The following PRKN variants were observed in gnomAD, a reference collection of about 807,000 sequenced individuals.
The protein encoded by PRKN is E3 ubiquitin-protein ligase parkin.
A neutral mutation model predicts 59.5 loss-of-function variants in PRKN; 56 were observed. That is an observed-to-expected ratio of 0.94 (90% CI 0.76 to 1.18). The LOEUF is 1.18. PRKN is among the 50% of genes most tolerant of loss of function. The probability of loss-of-function intolerance (pLI) is 0.00; values close to 1 mark genes in which losing one functional copy is unlikely to be tolerated. For synonymous variants in PRKN, 250 were observed against 222.1 expected (o/e 1.13, Z -1.12); for missense variants, 657 against 596.4 (o/e 1.10, Z -1.06).
intron 5 of PRKN, among the ~76,000 whole-genome samples, chr6:162,050,903 G>A (rs920089103): frequency 6.6e-5 from 10 of 152,132 alleles, no homozygotes; most frequent in Non-Finnish European, 1.3e-4. Flanking sequence ...ATCCAGCCAA[G>A]ACAGGGAGGC....
At chr6:162,653,432 A>G (rs1375597151) in intron 1 of PRKN, among the ~76,000 whole-genome samples, 4 of 152,192 alleles carry the variant, frequency 2.6e-5, no homozygotes, top group African/African-American at 9.6e-5. Flanking sequence ...TCAACTCATA[A>G]TTTAATAGGA....
chr6:162,391,909 T>C (rs747593829), intron 2 of PRKN, among the ~76,000 whole-genome samples: 1 of 152,212 alleles, frequency 6.6e-6, no homozygotes, highest in Non-Finnish European at 1.5e-5. Flanking sequence ...AGAATAAATA[T>C]TGACAACTCC....
chr6:161,733,782 AAATATATATATATATGTATAT>A (rs1488852956), intron 7 of PRKN, among the ~76,000 whole-genome samples: 1 of 79,922 alleles, frequency 1.3e-5, no homozygotes, highest in Non-Finnish European at 2.1e-5. Context: ...AAAAAAAAAA[AAATATATATATATATGTATAT>A]ATATATATAT....
At chr6:161,824,278 A>G (rs1203933153) in intron 6 of PRKN, among the ~76,000 whole-genome samples, 1 of 152,218 alleles carries the variant, frequency 6.6e-6, no homozygotes, top group African/African-American at 2.4e-5. Context: ...AATTCTTTCA[A>G]TCATTAGATG....
At chr6:161,528,567 G>A (rs1779094231) in intron 9 of PRKN, among the ~76,000 whole-genome samples, 1 of 152,154 alleles carries the variant, frequency 6.6e-6, no homozygotes, top group Non-Finnish European at 1.5e-5. Context: ...TGGAAATGGG[G>A]TTGTGTACAA....
rs1778257233 is a variant in PRKN, at chr6:161,508,522, G to A, written c.1083+40332C>T. ...ATGAAAAATTCTCCCCTGCCATATT[G>A]TAAGATCATTTCCATTTGCTCTGTC... is the stretch of plus-strand genomic sequence containing the variant. On this transcript the variant is annotated intron_variant, in intron 9 of 11. Transcript: ENST00000366898. Among the ~76,000 whole-genome samples the A allele has an allele frequency of 2.6e-5, 4 of 152,136 alleles. No homozygotes were observed. In the South Asian group the frequency reaches 6.2e-4, roughly 24 times the overall value.
At chr6:161,508,343 C>T (rs982709089) in intron 9 of PRKN, among the ~76,000 whole-genome samples, 5 of 152,216 alleles carry the variant, frequency 3.3e-5, no homozygotes, top group African/African-American at 4.8e-5. Context: ...CTGGCACAAA[C>T]CCTGCCTTTA....
At chr6:161,890,013 G>C (rs1343263651) in intron 6 of PRKN, among the ~76,000 whole-genome samples, 1 of 152,134 alleles carries the variant, frequency 6.6e-6, no homozygotes, top group African/African-American at 2.4e-5. Flanking sequence ...AGCAGCTGGG[G>C]TCTGAGGCCT....
At chr6:162,375,887 C>G (rs1016052970) in intron 2 of PRKN, among the ~76,000 whole-genome samples, 2 of 151,912 alleles carry the variant, frequency 1.3e-5, no homozygotes, top group African/African-American at 4.8e-5. Context: ...ACCCACGGTT[C>G]TTGTCTGGGA....
intron 5 of PRKN, among the ~76,000 whole-genome samples, chr6:161,975,197 T>G (rs1363037906): frequency 6.7e-6 from 1 of 150,020 alleles, no homozygotes; most frequent in Non-Finnish European, 1.5e-5. Context: ...GCCATTCTCC[T>G]GCCTCAGCCT....
intron 6 of PRKN, among the ~76,000 whole-genome samples, chr6:161,953,706 A>G (rs1780068434): frequency 6.6e-6 from 1 of 152,198 alleles, no homozygotes; most frequent in East Asian, 1.9e-4. Context: ...CATGTGTGAC[A>G]GGGTCTCATC....
chr6:161,680,756 TATA>T (rs1785306453), intron 7 of PRKN, among the ~76,000 whole-genome samples: 4 of 19,982 alleles, frequency 2.0e-4, no homozygotes, highest in Admixed American at 7.9e-4. Context: ...TATATATATA[TATA>T]TATATATATA....
intron 7 of PRKN, among the ~76,000 whole-genome samples, chr6:161,685,076 C>T (rs1429154230): frequency 6.6e-6 from 1 of 152,188 alleles, no homozygotes; most frequent in Non-Finnish European, 1.5e-5. Flanking sequence ...AATACTTCTA[C>T]AGAATATTTC....
chr6:161,697,077 T>A (rs1786051248), intron 7 of PRKN, among the ~76,000 whole-genome samples: 2 of 152,326 alleles, frequency 1.3e-5, no homozygotes. Flanking sequence ...CTACACAAAC[T>A]TTTCAAGGAT....
rs917150827 is a variant in PRKN, at chr6:161,619,684, C to T, written c.872-50268G>A. The stretch of plus-strand genomic sequence containing the variant: ...AGTAGCCCTTGACTTGAATTGGGGT[C>T]TCTGAGACAGCAGAGTCTAGAACTG... On this transcript the variant is annotated intron_variant, in intron 7 of 11. Transcript: ENST00000366898. Among the ~76,000 whole-genome samples, 3 of 152,102 alleles carry T rather than the reference C, an allele frequency of 2.0e-5. No individual in the cohort carries two copies. In the South Asian group the frequency reaches 6.2e-4, roughly 31 times the overall value.
intron 5 of PRKN, among the ~76,000 whole-genome samples, chr6:162,036,621 T>G (rs1783860189): frequency 6.6e-6 from 1 of 151,884 alleles, no homozygotes; most frequent in Non-Finnish European, 1.5e-5. Context: ...CCTCCAGTGA[T>G]CCCCCTGCCT....
chr6:162,198,614 T>C (rs990052670), intron 4 of PRKN, among the ~76,000 whole-genome samples: 14 of 152,014 alleles, frequency 9.2e-5, no homozygotes, highest in African/African-American at 2.4e-4. Flanking sequence ...TATTGTACCA[T>C]TGAATAGATA....
intron 7 of PRKN, among the ~76,000 whole-genome samples, chr6:161,766,340 G>A (rs532715427): frequency 6.8e-4 from 77 of 112,550 alleles, no homozygotes; most frequent in African/African-American, 2.5e-3. Context: ...ACAGAGTCTC[G>A]ATCTGTCACC....
Position 161,530,731 on chromosome 6 carries a change from C to T in PRKN, c.1083+18123G>A, listed in dbSNP as rs9456681. Among the ~76,000 whole-genome samples, 120,468 of 151,626 alleles carry T rather than the reference C, an allele frequency of 0.79. 48,162 individuals carry two copies. The highest frequency in any genetic ancestry group is 0.86 in the Middle Eastern group (254 of 294). ...CGGGGTTTCTCTATGTTGGTCAGGC[C>T]AGTCTCGAACTCCTGACCTCAGGTG... On this transcript the variant is annotated intron_variant, in intron 9 of 11. Coordinates refer to ENST00000366898, the MANE Select transcript of PRKN (RefSeq NM_004562.3). This position sits in a 1 kb window ranked among gnomAD's most constrained non-coding sequence, Gnocchi z 5.0.
Sources: allele counts gnomAD v4.1 joint callset (sites outside exome capture counted in the v4.1 genomes callset), GRCh38; gene constraint gnomAD v4.1.1; non-coding constraint Gnocchi (gnomAD v3.1); transcripts MANE v1.5; gene names NCBI Gene and HGNC (gene_info 2026-07-23, HGNC 2026-07-21).